The following NDUFAF2 variants were observed in gnomAD, a reference collection of about 807,000 sequenced individuals.
The protein encoded by NDUFAF2 is NADH:ubiquinone oxidoreductase complex assembly factor 2.
In NDUFAF2, 13 loss-of-function variants were observed where a neutral mutation model predicts 22.8. The ratio of observed to expected loss-of-function variants is 0.57; its 90% CI spans 0.37 to 0.91. The LOEUF (loss-of-function observed/expected upper bound fraction) is 0.91, where lower values mean the gene tolerates loss of function less well. NDUFAF2 is among the 40% of genes least tolerant of loss of function. The pLI is 0.01. For synonymous variants in NDUFAF2, 53 were observed against 64.2 expected, an observed-to-expected ratio of 0.83 and a Z score of 0.84; for missense variants, 162 against 195.2, an observed-to-expected ratio of 0.83 and a Z score of 1.01.
intron 3 of NDUFAF2, among the ~76,000 whole-genome samples, chr5:61,122,935 T>C (rs1375441453): frequency 6.6e-6 from 1 of 152,142 alleles, no homozygotes; most frequent in Non-Finnish European, 1.5e-5. Context: ...AACTTGGAAG[T>C]GTGAGAGGGT....
chr5:61,151,624 C>A (rs1283124997), intron 3 of NDUFAF2, among the ~76,000 whole-genome samples: 1 of 151,694 alleles, frequency 6.6e-6, no homozygotes, highest in Non-Finnish European at 1.5e-5. Context: ...ACTAAAAATA[C>A]AAAATTAGCT....
chr5:61,008,798 T>A (rs981958454), intron 1 of NDUFAF2, among the ~76,000 whole-genome samples: 1 of 152,068 alleles, frequency 6.6e-6, no homozygotes, highest in Non-Finnish European at 1.5e-5. Flanking sequence ...ATCTCTTCCA[T>A]AGAGGCAGAT....
chr5:60,947,856 C>T (rs750779017), intron 1 of NDUFAF2, among the ~76,000 whole-genome samples: 2 of 151,256 alleles, frequency 1.3e-5, no homozygotes, highest in Non-Finnish European at 2.9e-5. Context: ...AGATACAATA[C>T]CATTAAAGTT....
intron 1 of NDUFAF2, among the ~76,000 whole-genome samples, chr5:61,018,104 A>G (rs1350836021): frequency 1.3e-5 from 2 of 152,160 alleles, no homozygotes; most frequent in African/African-American, 4.8e-5. Context: ...CTTAAAACTC[A>G]GTACTTTCTA....
chr5:60,953,158 CCAAG>C (rs1490990409), intron 1 of NDUFAF2, among the ~76,000 whole-genome samples: 1 of 151,920 alleles, frequency 6.6e-6, no homozygotes. Flanking sequence ...GAAAACCACA[CCAAG>C]GCATATTATT....
At chr5:60,959,362 AT>A (rs1251824907) in intron 1 of NDUFAF2, among the ~76,000 whole-genome samples, 1 of 151,962 alleles carries the variant, frequency 6.6e-6, no homozygotes, top group African/African-American at 2.4e-5. Flanking sequence ...AACTGGATGT[AT>A]TTTTTCTTCC....
intron 1 of NDUFAF2, among the ~76,000 whole-genome samples, chr5:60,988,522 C>G (rs1751113476): frequency 6.6e-6 from 1 of 152,152 alleles, no homozygotes; most frequent in South Asian, 2.1e-4. Context: ...TACCCGACTT[C>G]AAACTACACC....
intron 3 of NDUFAF2, among the ~76,000 whole-genome samples, chr5:61,105,056 T>C (rs538893495): frequency 5.3e-5 from 8 of 152,268 alleles, no homozygotes; most frequent in Admixed American, 1.3e-4. Flanking sequence ...CATTTGTCTC[T>C]GTGATTCTAT....
chr5:60,945,234 C>CGCTGGAAACTGGGTGGACG lies in NDUFAF2; in HGVS notation c.-19_-1dup. 1.9e-6 allele frequency: 3 copies of CGCTGGAAACTGGGTGGACG among 1,611,008 alleles called. No individual in the cohort carries two copies. The highest frequency in any genetic ancestry group is 2.5e-6 in the Non-Finnish European group (3 of 1,179,266). Reference sequence around the variant, plus strand: ...CTACTGCGGGTCCCGCTGCTGGCAGCGCTGGAAACTGGGTGGACGGCATGG... The same window carrying CGCTGGAAACTGGGTGGACG: ...CTACTGCGGGTCCCGCTGCTGGCAGCGCTGGAAACTGGGTGGACGGCTGGAAACTGGGTGGACGGCATGG... On this transcript the variant is annotated 5_prime_UTR_variant, in exon 1 of 4. Coordinates refer to ENST00000296597, the MANE Select transcript of NDUFAF2 (RefSeq NM_174889.5).
intron 1 of NDUFAF2, among the ~76,000 whole-genome samples, chr5:60,985,130 T>C (rs1279622162): frequency 6.6e-6 from 1 of 152,224 alleles, no homozygotes; most frequent in Non-Finnish European, 1.5e-5. Flanking sequence ...TGGAAGGATG[T>C]ATGTGTCAAG....
chr5:60,946,323 T>C (rs1750453938), intron 1 of NDUFAF2, among the ~76,000 whole-genome samples: 1 of 152,190 alleles, frequency 6.6e-6, no homozygotes, highest in Non-Finnish European at 1.5e-5. Context: ...AGAGATAATA[T>C]AAGATCAGCA....
chr5:60,957,449 T>A (rs1284989308), intron 1 of NDUFAF2, among the ~76,000 whole-genome samples: 1 of 152,148 alleles, frequency 6.6e-6, no homozygotes, highest in African/African-American at 2.4e-5. Flanking sequence ...CACATTTTCT[T>A]GGTTATCGTA....
chr5:61,139,149 G>T (rs1741011682), intron 3 of NDUFAF2, among the ~76,000 whole-genome samples: 1 of 152,170 alleles, frequency 6.6e-6, no homozygotes, highest in Non-Finnish European at 1.5e-5. Flanking sequence ...CAAATTCATA[G>T]CTTAGCCTAG....
At chr5:61,147,492 A>G (rs369020378) in intron 3 of NDUFAF2, among the ~76,000 whole-genome samples, 1 of 116,584 alleles carries the variant, frequency 8.6e-6, no homozygotes, top group African/African-American at 3.2e-5. Context: ...CAGGCTGGTC[A>G]TGAACTCCTG....
rs201330844 is a variant in NDUFAF2 at position 61,147,165 on chromosome 5, A to G, written c.259-5539A>G. Among the ~76,000 whole-genome samples, 11 of 152,066 alleles carry G rather than the reference A, an allele frequency of 7.2e-5. No individual in the cohort carries two copies. The East Asian group carries it at 1.7e-3, about 24-fold the overall frequency. On this transcript the variant is annotated intron_variant, in intron 3 of 3. Transcript: ENST00000296597. ...TGAACATTGAAATATTATGTTTAGT[A>G]TCTCAGTTGTGTTGTCTTCCTTTAA...
intron 1 of NDUFAF2, among the ~76,000 whole-genome samples, chr5:61,023,724 G>C (rs1263010552): frequency 6.6e-6 from 1 of 152,066 alleles, no homozygotes; most frequent in Non-Finnish European, 1.5e-5. Context: ...CTCATTGAAG[G>C]CTTCAAATTA....
chr5:61,115,957 A>G (rs763017325), intron 3 of NDUFAF2: 13 of 152,178 alleles, frequency 8.5e-5, no homozygotes, highest in Admixed American at 6.5e-5. Context: ...AATAGTCCAG[A>G]CTATGTAGCA....
At chr5:61,007,684 A>C (rs1751386176) in intron 1 of NDUFAF2, among the ~76,000 whole-genome samples, 2 of 152,170 alleles carry the variant, frequency 1.3e-5, no homozygotes, top group Non-Finnish European at 2.9e-5. Flanking sequence ...AGAAATAGGA[A>C]CACTTTTACA....
At chr5:61,040,295 C>T (rs1296758679) in intron 1 of NDUFAF2, among the ~76,000 whole-genome samples, 7 of 150,392 alleles carry the variant, frequency 4.7e-5, no homozygotes, top group African/African-American at 9.9e-5. Flanking sequence ...CACGCGCGCG[C>T]GCGCGCGAAA....
Sources: allele counts gnomAD v4.1 joint callset (sites outside exome capture counted in the v4.1 genomes callset), GRCh38; gene constraint gnomAD v4.1.1; transcripts MANE v1.5; gene names NCBI Gene and HGNC (gene_info 2026-07-23, HGNC 2026-07-21).